The following DSE variants were observed in gnomAD, a reference collection of about 807,000 sequenced individuals.
The protein encoded by DSE is dermatan sulfate epimerase.
A neutral mutation model predicts 84.4 loss-of-function variants in DSE; 36 were observed. That is an observed-to-expected ratio of 0.43 (90% CI 0.33 to 0.56). The LOEUF (loss-of-function observed/expected upper bound fraction) is 0.56. DSE is among the 20% of genes least tolerant of loss of function. The pLI, the probability that DSE is intolerant of heterozygous loss-of-function variation, is 0.06. For synonymous variants in DSE, 410 were observed against 430.1 expected (o/e 0.95, Z 0.58); for missense variants, 862 against 1,169.6 (o/e 0.74, Z 3.84).
chr6:116,425,413 G>A (rs966288694), intron 2 of DSE, among the ~76,000 whole-genome samples: 15 of 152,056 alleles, frequency 9.9e-5, no homozygotes, highest in Admixed American at 1.3e-4. Context: ...CCCTCACTTG[G>A]AGATTACTCA....
At chr6:116,315,803 C>G (rs1775939988) in intron 2 of DSE, among the ~76,000 whole-genome samples, 1 of 152,132 alleles carries the variant, frequency 6.6e-6, no homozygotes, top group South Asian at 2.1e-4. Flanking sequence ...AGTTCGAGAC[C>G]AGCCTGACCA....
intron 2 of DSE, among the ~76,000 whole-genome samples, chr6:116,417,151 TATC>T (rs1387262955): frequency 6.6e-6 from 1 of 152,314 alleles, no homozygotes; most frequent in South Asian, 2.1e-4. Context: ...AATTTTTACT[TATC>T]ATGTTTCTTC....
chr6:116,384,390 G>A (rs1780443900), intron 1 of DSE, among the ~76,000 whole-genome samples: 1 of 152,148 alleles, frequency 6.6e-6, no homozygotes, highest in South Asian at 2.1e-4. Flanking sequence ...TGCGATTAGA[G>A]GCATGTTAGT....
At chr6:116,432,130 T>C (rs1263878020) in intron 4 of DSE, among the ~76,000 whole-genome samples, 2 of 152,238 alleles carry the variant, frequency 1.3e-5, no homozygotes, top group Non-Finnish European at 2.9e-5. Context: ...TTCTTAGACA[T>C]GCAGGAGAGG....
chr6:116,351,550 GAT>G (rs1778311285), intron 2 of DSE, among the ~76,000 whole-genome samples: 2 of 152,022 alleles, frequency 1.3e-5, no homozygotes, highest in African/African-American at 2.4e-5. Flanking sequence ...CTATTATAGT[GAT>G]GTTTGTTATT....
intron 1 of DSE, chr6:116,256,873 G>A (rs1772163682): frequency 6.6e-6 from 1 of 152,108 alleles, no homozygotes; most frequent in Non-Finnish European, 1.5e-5. Context: ...TATTCTACTG[G>A]AAATTGGCAA....
At chr6:116,282,102 C>G (rs1199882193) in intron 2 of DSE, among the ~76,000 whole-genome samples, 1 of 152,230 alleles carries the variant, frequency 6.6e-6, no homozygotes, top group African/African-American at 2.4e-5. Context: ...TTCCAATTCT[C>G]TCCTTTCTGA....
At chr6:116,394,195 G>A (rs1172115553) in intron 1 of DSE, among the ~76,000 whole-genome samples, 1 of 152,178 alleles carries the variant, frequency 6.6e-6, no homozygotes, top group African/African-American at 2.4e-5. Flanking sequence ...AAGCATTTAG[G>A]ATCACAGAAA....
At chr6:116,370,495 C>G, upstream of DSE, 10 of 986,334 alleles carry the variant, frequency 1.0e-5, no homozygotes, top group Non-Finnish European at 1.2e-5. Flanking sequence ...GCACCAGTCC[C>G]GGTAGTAAGA....
intron 1 of DSE, among the ~76,000 whole-genome samples, chr6:116,397,629 A>G (rs755892374): frequency 8.5e-5 from 13 of 152,162 alleles, no homozygotes; most frequent in Non-Finnish European, 1.6e-4. Flanking sequence ...ACCACAGAAG[A>G]CTATTTCTTT....
At chr6:116,338,049 C>T (rs1050745348) in intron 2 of DSE, among the ~76,000 whole-genome samples, 1 of 152,028 alleles carries the variant, frequency 6.6e-6, no homozygotes, top group South Asian at 2.1e-4. Flanking sequence ...GAACAACAAC[C>T]ACAGAGAATA....
At chr6:116,286,203 G>A (rs567968916) in intron 2 of DSE, among the ~76,000 whole-genome samples, 1 of 152,266 alleles carries the variant, frequency 6.6e-6, no homozygotes, top group East Asian at 1.9e-4. Context: ...TCGTTGAGCA[G>A]TGGTTTGTAG....
intron 2 of DSE, among the ~76,000 whole-genome samples, chr6:116,420,725 A>G (rs1783017319): frequency 1.3e-5 from 2 of 152,238 alleles, no homozygotes; most frequent in Admixed American, 6.5e-5. Context: ...TAATCTTTTC[A>G]CAGGCAGTTA....
At position 116,371,017 on chromosome 6, in the gene DSE, C is replaced by G; in HGVS notation, c.-158C>G. On this transcript the variant is annotated 5_prime_UTR_variant, in exon 1 of 6. Transcript: ENST00000644252. ...CGGCGGGGGCGCGGAGGGCTCGGTTCGGAGGGGGCCGGGAGCCCGGGCGCC... is the reference window on the plus strand; with the variant it reads ...CGGCGGGGGCGCGGAGGGCTCGGTTGGGAGGGGGCCGGGAGCCCGGGCGCC... The G allele has an allele frequency of 5.1e-6, 5 of 985,628 alleles. No homozygotes were observed. The highest frequency in any genetic ancestry group is 2.4e-6 in the Non-Finnish European group (2 of 830,212). The allele number at this position is 985,628 out of a possible 1,614,324, so 61.1% of individuals were successfully genotyped here. A position where few individuals can be genotyped will look rare whatever the true frequency, so the allele number is the denominator to read the frequency against.
intron 1 of DSE, among the ~76,000 whole-genome samples, chr6:116,257,629 A>G (rs1327826497): frequency 6.6e-6 from 1 of 152,222 alleles, no homozygotes; most frequent in East Asian, 1.9e-4. Context: ...GTGAGGGCCT[A>G]CATCCTGATT....
chr6:116,326,633 C>T (rs1776638034), intron 2 of DSE, among the ~76,000 whole-genome samples: 1 of 152,124 alleles, frequency 6.6e-6, no homozygotes, highest in Admixed American at 6.6e-5. Flanking sequence ...TCTTGCTTGG[C>T]CGAGAAAACT....
intron 2 of DSE, among the ~76,000 whole-genome samples, chr6:116,328,367 A>C (rs528222773): frequency 9.9e-5 from 15 of 152,220 alleles, no homozygotes; most frequent in Non-Finnish European, 1.6e-4. Context: ...TGAGTCACTT[A>C]GATTTTAATC....
chr6:116,325,266 G>GAT (rs1381180851), intron 2 of DSE, among the ~76,000 whole-genome samples: 2 of 152,202 alleles, frequency 1.3e-5, no homozygotes, highest in Non-Finnish European at 2.9e-5. Context: ...CTCACTTTCA[G>GAT]ATGTTTCTTC....
intron 2 of DSE, among the ~76,000 whole-genome samples, chr6:116,315,235 T>A (rs1373929430): frequency 1.3e-5 from 2 of 152,130 alleles, no homozygotes; most frequent in African/African-American, 4.8e-5. Flanking sequence ...TTGTTAAATC[T>A]TCAGAACTCT....
Sources: gnomAD v4.1 joint callset for allele counts (sites outside exome capture counted in the v4.1 genomes callset) on GRCh38, gnomAD v4.1.1 for gene constraint, MANE v1.5 for transcripts, NCBI Gene and HGNC (gene_info 2026-07-23, HGNC 2026-07-21) for gene names.